Variants in GRID2 observed in about 807,000 individuals in gnomAD.
GRID2 encodes glutamate ionotropic receptor delta type subunit 2.
A neutral mutation model predicts 114.8 loss-of-function variants in GRID2; 33 were observed. The ratio of observed to expected loss-of-function variants is 0.29; its 90% confidence interval spans 0.22 to 0.38. The LOEUF is 0.38. GRID2 is among the 10% of genes least tolerant of loss of function. The pLI is 1.00. For missense variants in GRID2, 1,184 were observed against 1,257.7 expected (o/e 0.94, Z 0.89); for synonymous variants, 505 against 449.9 (o/e 1.12, Z -1.55).
chr4:92,922,933 G>T (rs1398513795), intron 2 of GRID2, among the ~76,000 whole-genome samples: 1 of 152,198 alleles, frequency 6.6e-6, no homozygotes, highest in Non-Finnish European at 1.5e-5. Flanking sequence ...GCTCTAGGAC[G>T]CTGAAATATT....
intron 4 of GRID2, among the ~76,000 whole-genome samples, chr4:93,146,768 T>C (rs1736304696): frequency 6.6e-6 from 1 of 152,200 alleles, no homozygotes; most frequent in Non-Finnish European, 1.5e-5. Context: ...TGTTTTGTAA[T>C]GCTTGTTCAG....
chr4:93,198,326 T>G (rs183095140), intron 4 of GRID2, among the ~76,000 whole-genome samples: 19 of 152,154 alleles, frequency 1.2e-4, no homozygotes, highest in African/African-American at 4.3e-4. Flanking sequence ...TAACAGAGAC[T>G]CATGGGGGAG....
At chr4:92,922,953 G>T (rs535810213) in intron 2 of GRID2, among the ~76,000 whole-genome samples, 4 of 152,286 alleles carry the variant, frequency 2.6e-5, no homozygotes, top group African/African-American at 9.6e-5. Context: ...TCTGCTGTTT[G>T]TTCTGTGCAC....
intron 2 of GRID2, among the ~76,000 whole-genome samples, chr4:92,977,071 A>G (rs964693041): frequency 6.6e-6 from 1 of 152,174 alleles, no homozygotes; most frequent in African/African-American, 2.4e-5. Flanking sequence ...TATAGAAAGT[A>G]ATATGTATTG....
intron 1 of GRID2, among the ~76,000 whole-genome samples, chr4:92,448,129 T>TTTTA (rs959752616): frequency 7.1e-6 from 1 of 140,810 alleles, no homozygotes; most frequent in Non-Finnish European, 1.6e-5. Context: ...TTGATTTTTA[T>TTTTA]TTTATGTATG....
At chr4:92,637,418 A>G (rs1188485865) in intron 2 of GRID2, among the ~76,000 whole-genome samples, 1 of 152,076 alleles carries the variant, frequency 6.6e-6, no homozygotes, top group African/African-American at 2.4e-5. Flanking sequence ...ATAATGAAAC[A>G]CAATGCTTGG....
intron 13 of GRID2, among the ~76,000 whole-genome samples, chr4:93,608,045 T>C (rs539039132): frequency 2.0e-5 from 3 of 147,900 alleles, no homozygotes; most frequent in East Asian, 2.0e-4. Flanking sequence ...TAACTTTACA[T>C]ATATATATAT....
intron 2 of GRID2, among the ~76,000 whole-genome samples, chr4:92,967,512 T>A (rs1442475132): frequency 6.8e-6 from 1 of 147,456 alleles, no homozygotes; most frequent in Non-Finnish European, 1.5e-5. Context: ...AAAAAAATAT[T>A]TTTTACCAGT....
chr4:93,453,453 A>G (rs17020618), intron 10 of GRID2, among the ~76,000 whole-genome samples: 6,048 of 152,120 alleles, frequency 0.04, 211 homozygotes, highest in African/African-American at 0.097. Context: ...GAATAGCCAA[A>G]TGTTGAAAAT....
chr4:92,607,312 T>G (rs1729508333), intron 2 of GRID2, among the ~76,000 whole-genome samples: 1 of 152,012 alleles, frequency 6.6e-6, no homozygotes, highest in Non-Finnish European at 1.5e-5. Flanking sequence ...ATGTCTTCTT[T>G]TAAGCCTCTA....
At chr4:93,761,548 G>T (rs1001090998) in intron 14 of GRID2, among the ~76,000 whole-genome samples, 2 of 152,070 alleles carry the variant, frequency 1.3e-5, no homozygotes, top group African/African-American at 2.4e-5. Context: ...TTGGCTATCT[G>T]ACCCTTAACA....
intron 2 of GRID2, among the ~76,000 whole-genome samples, chr4:92,714,185 C>T (rs555199384): frequency 1.3e-5 from 2 of 152,230 alleles, no homozygotes; most frequent in South Asian, 2.1e-4. Context: ...GGCTAGAGGC[C>T]CCATGTACGT....
At chr4:93,662,019 C>T (rs115503484) in intron 14 of GRID2, among the ~76,000 whole-genome samples, 1 of 152,192 alleles carries the variant, frequency 6.6e-6, no homozygotes, top group Non-Finnish European at 1.5e-5. Context: ...TCCATTCCCC[C>T]CAACCCTTGC....
At chr4:92,360,183 T>C (rs1168478560) in intron 1 of GRID2, among the ~76,000 whole-genome samples, 1 of 152,012 alleles carries the variant, frequency 6.6e-6, no homozygotes, top group Non-Finnish European at 1.5e-5. Flanking sequence ...TCTAGATTTA[T>C]ACCTATGCAG....
At chr4:92,772,116 C>T (rs1365161916) in intron 2 of GRID2, among the ~76,000 whole-genome samples, 1 of 152,254 alleles carries the variant, frequency 6.6e-6, no homozygotes, top group Non-Finnish European at 1.5e-5. Context: ...ACTGCCTCTG[C>T]CTCACTTTAG....
rs1763852368 is a variant in GRID2 at position 93,381,496 on chromosome 4, G to T, written c.1246-14111G>T. Among the ~76,000 whole-genome samples the T allele has an allele frequency of 2.0e-5, 3 of 152,120 alleles. No homozygotes were observed. The South Asian group carries it at 6.2e-4, about 32-fold the overall frequency. On this transcript the variant is annotated intron_variant, in intron 8 of 15. Coordinates refer to ENST00000282020, the MANE Select transcript of GRID2 (RefSeq NM_001510.4). ...ATAGCATTTTTGTCCCTTGCTTCCT[G>T]CGTGACTGTCTTCTTTTGTGTTTAG...
chr4:92,809,350 T>C (rs909895719), intron 2 of GRID2, among the ~76,000 whole-genome samples: 2 of 151,978 alleles, frequency 1.3e-5, no homozygotes, highest in Non-Finnish European at 2.9e-5. Context: ...GGAACTATAC[T>C]AAAAATTTAC....
intron 2 of GRID2, among the ~76,000 whole-genome samples, chr4:93,058,291 G>A (rs1210985983): frequency 6.6e-6 from 1 of 151,924 alleles, no homozygotes; most frequent in Non-Finnish European, 1.5e-5. Flanking sequence ...TTGCTGACCA[G>A]TATGAATAAA....
At chr4:93,756,738 G>C (rs758690054) in intron 14 of GRID2, among the ~76,000 whole-genome samples, 21 of 152,162 alleles carry the variant, frequency 1.4e-4, no homozygotes, top group Non-Finnish European at 2.4e-4. Context: ...TAAACATTCA[G>C]TCCATAATAA....
Sources: allele counts gnomAD v4.1 joint callset (sites outside exome capture counted in the v4.1 genomes callset), GRCh38; gene constraint gnomAD v4.1.1; transcripts MANE v1.5; gene names NCBI Gene and HGNC (gene_info 2026-07-23, HGNC 2026-07-21).